The following BANK1 variants were observed in gnomAD, a reference collection of about 807,000 sequenced individuals.
BANK1 encodes B-cell scaffold protein with ankyrin repeats.
In BANK1, 95 loss-of-function variants were observed where a neutral mutation model predicts 94.5. That is an observed-to-expected ratio of 1.00 (90% confidence interval 0.85 to 1.19). The LOEUF (loss-of-function observed/expected upper bound fraction) is 1.19. Ranked by LOEUF, BANK1 falls within the 50% of genes most tolerant of loss-of-function variation. BANK1 has a pLI of 0.00. For synonymous variants in BANK1, 334 were observed against 308.4 expected (o/e 1.08, Z -0.87); for missense variants, 987 against 932.2 (o/e 1.06, Z -0.77).
intron 12 of BANK1, among the ~76,000 whole-genome samples, chr4:102,061,187 C>T (rs1181619110): frequency 6.6e-6 from 1 of 152,054 alleles, no homozygotes; most frequent in Non-Finnish European, 1.5e-5. Flanking sequence ...TTGTAACTTT[C>T]CCAAGAGATA....
intron 7 of BANK1, among the ~76,000 whole-genome samples, chr4:101,921,224 T>G (rs187442580): frequency 1.6e-4 from 24 of 152,110 alleles, no homozygotes; most frequent in African/African-American, 5.8e-4. Flanking sequence ...ATTTCAAATA[T>G]CTACTCATTT....
At chr4:102,031,201 C>T (rs950368913) in intron 10 of BANK1, among the ~76,000 whole-genome samples, 1 of 152,188 alleles carries the variant, frequency 6.6e-6, no homozygotes, top group Non-Finnish European at 1.5e-5. Context: ...TGATGATGAG[C>T]ATTTTTTCAA....
intron 1 of BANK1, among the ~76,000 whole-genome samples, chr4:101,811,714 A>T (rs1725736489): frequency 6.6e-6 from 1 of 152,092 alleles, no homozygotes; most frequent in African/African-American, 2.4e-5. Context: ...TTTGATTTGT[A>T]AATTTTTCAG....
chr4:101,877,149 A>G (rs1728519927), intron 5 of BANK1, among the ~76,000 whole-genome samples: 2 of 152,196 alleles, frequency 1.3e-5, no homozygotes, highest in African/African-American at 4.8e-5. Context: ...AAGGGGTAAT[A>G]ACAGATAATT....
intron 7 of BANK1, among the ~76,000 whole-genome samples, chr4:101,922,648 C>T (rs543903130): frequency 2.0e-5 from 3 of 151,848 alleles, no homozygotes; most frequent in African/African-American, 4.8e-5. Context: ...AGTTTAGTTT[C>T]GGAGACTTCA....
In BANK1 at chr4:102,043,236, A is replaced by C. The variant is rs17031932; in HGVS notation, c.1901-603A>C. ...CAATCAACTTTATCTTTCATCTGCA[A>C]AATGGGGTGAGTAATGCTGACTTGT... On this transcript the variant is annotated intron_variant, in intron 10 of 16. Transcript: ENST00000322953. Among the ~76,000 whole-genome samples the C allele has an allele frequency of 5.8e-3, 879 of 151,978 alleles. 23 individuals carry two copies. In the East Asian group the frequency reaches 0.066, roughly 11 times the overall value.
At chr4:101,935,687 G>T (rs573574655) in intron 7 of BANK1, among the ~76,000 whole-genome samples, 1 of 151,488 alleles carries the variant, frequency 6.6e-6, no homozygotes, top group East Asian at 2.0e-4. Flanking sequence ...TGTGCCTAGG[G>T]AATATATGAA....
intron 7 of BANK1, among the ~76,000 whole-genome samples, chr4:101,975,096 G>A (rs921786444): frequency 2.0e-5 from 3 of 152,130 alleles, no homozygotes; most frequent in African/African-American, 7.2e-5. Flanking sequence ...TTATTCTAAA[G>A]CCATTTTCAG....
intron 2 of BANK1, among the ~76,000 whole-genome samples, chr4:101,833,117 T>C (rs1222165378): frequency 6.6e-6 from 1 of 151,986 alleles, no homozygotes; most frequent in Non-Finnish European, 1.5e-5. Flanking sequence ...GTAGCTGGGA[T>C]TACAGGTGTG....
chr4:101,954,166 G>C (rs193091404), intron 7 of BANK1, among the ~76,000 whole-genome samples: 1 of 151,892 alleles, frequency 6.6e-6, no homozygotes, highest in Non-Finnish European at 1.5e-5. Context: ...TCTTCACAAG[G>C]CTCTCTTAAA....
chr4:101,842,678 T>G (rs190732563), intron 2 of BANK1, among the ~76,000 whole-genome samples: 157 of 152,378 alleles, frequency 1.0e-3, no homozygotes, highest in African/African-American at 3.7e-3. Context: ...TCTATGTGTT[T>G]GGGTTTTTAT....
rs372581468 is a variant in BANK1, at chr4:101,882,134, C to T, written c.903+11490C>T. 1.6e-4 allele frequency among the ~76,000 whole-genome samples: 25 copies of T among 152,022 alleles called. No individual in the cohort carries two copies. The East Asian group carries it at 2.3e-3, about 14-fold the overall frequency. ...GAGGGGATGGATACCCCATTTTACACGATGTGATTATTACACGTTGTATGC... is the reference window on the plus strand; with the variant it reads ...GAGGGGATGGATACCCCATTTTACATGATGTGATTATTACACGTTGTATGC... On this transcript the variant is annotated intron_variant, in intron 5 of 16. Transcript: ENST00000322953.
chr4:102,072,666 A>C (rs1272141017), intron 15 of BANK1, among the ~76,000 whole-genome samples: 1 of 152,224 alleles, frequency 6.6e-6, no homozygotes, highest in East Asian at 1.9e-4. Flanking sequence ...AAAATCTTAG[A>C]GGAATTATCA....
intron 7 of BANK1, among the ~76,000 whole-genome samples, chr4:101,951,209 T>G (rs1387276004): frequency 1.3e-5 from 2 of 152,126 alleles, no homozygotes; most frequent in African/African-American, 4.8e-5. Flanking sequence ...TATAAGGAAC[T>G]CTCTGCATTA....
chr4:101,950,375 C>T (rs893236355), intron 7 of BANK1, among the ~76,000 whole-genome samples: 1 of 152,026 alleles, frequency 6.6e-6, no homozygotes, highest in South Asian at 2.1e-4. Flanking sequence ...CATATAAAAG[C>T]TCTATGCAAA....
chr4:101,872,587 G>C (rs1296900596), intron 5 of BANK1, among the ~76,000 whole-genome samples: 1 of 152,138 alleles, frequency 6.6e-6, no homozygotes, highest in Non-Finnish European at 1.5e-5. Flanking sequence ...TTTTAGATTT[G>C]TTTGACCTCG....
At chr4:101,832,335 A>C (rs1726653347) in intron 2 of BANK1, among the ~76,000 whole-genome samples, 1 of 152,216 alleles carries the variant, frequency 6.6e-6, no homozygotes, top group Non-Finnish European at 1.5e-5. Flanking sequence ...TTTTCCCAAA[A>C]TGTAGAGTCA....
chr4:101,958,196 A>G (rs1450294287), intron 7 of BANK1, among the ~76,000 whole-genome samples: 1 of 151,974 alleles, frequency 6.6e-6, no homozygotes, highest in African/African-American at 2.4e-5. Context: ...CCATCTATTT[A>G]TTATCTGATA....
intron 7 of BANK1, among the ~76,000 whole-genome samples, chr4:101,940,185 T>C (rs1217894813): frequency 1.3e-5 from 2 of 151,716 alleles, no homozygotes; most frequent in African/African-American, 2.4e-5. Context: ...ATAATTAGAA[T>C]GATTAATGTT....
Sources: allele counts gnomAD v4.1 joint callset (sites outside exome capture counted in the v4.1 genomes callset), GRCh38; gene constraint gnomAD v4.1.1; transcripts MANE v1.5; gene names NCBI Gene and HGNC (gene_info 2026-07-23, HGNC 2026-07-21).